The following OR51B5 variants were observed in gnomAD, a reference collection of about 807,000 sequenced individuals.
The protein encoded by OR51B5 is olfactory receptor 51B5.
For missense variants in OR51B5, 456 were observed against 374.6 expected (o/e 1.22, Z -1.79); for synonymous variants, 186 against 144.8 (o/e 1.28, Z -2.04).
chr11:5,481,849 T>C (rs1851426510), intron 1 of OR51B5, among the ~76,000 whole-genome samples: 1 of 140,352 alleles, frequency 7.1e-6, no homozygotes, highest in African/African-American at 2.9e-5. Flanking sequence ...CTCAAGGAAA[T>C]AAAAGAGGAT....
At chr11:5,385,811 A>T (rs183322782) in intron 1 of OR51B5, among the ~76,000 whole-genome samples, 2 of 149,054 alleles carry the variant, frequency 1.3e-5, no homozygotes, top group South Asian at 4.2e-4. Context: ...TAAAAAATCT[A>T]TAAAGTATAT....
At chr11:5,502,980 G>A (rs935461081) in intron 1 of OR51B5, among the ~76,000 whole-genome samples, 3 of 152,150 alleles carry the variant, frequency 2.0e-5, no homozygotes, top group African/African-American at 4.8e-5. Flanking sequence ...AACTGTGAGT[G>A]TCAAAGGGTA....
At chr11:5,473,183 A>G (rs1271980773) in intron 1 of OR51B5, among the ~76,000 whole-genome samples, 2 of 152,228 alleles carry the variant, frequency 1.3e-5, no homozygotes, top group Admixed American at 1.3e-4. Context: ...TTAAACAAGA[A>G]CTATCATAAA....
intron 1 of OR51B5, chr11:5,453,460 T>G: frequency 5.4e-6 from 8 of 1,474,516 alleles, no homozygotes; most frequent in Non-Finnish European, 6.3e-6. Flanking sequence ...AAGATCTGAC[T>G]CTGAAAAGTA....
intron 1 of OR51B5, among the ~76,000 whole-genome samples, chr11:5,396,912 T>C (rs1391880147): frequency 7.2e-5 from 11 of 152,314 alleles, no homozygotes; most frequent in Middle Eastern, 3.4e-3. Flanking sequence ...TATCTACAAC[T>C]ATCTGATCTT....
intron 1 of OR51B5, among the ~76,000 whole-genome samples, chr11:5,397,598 T>C (rs1416141385): frequency 6.6e-6 from 1 of 151,460 alleles, no homozygotes; most frequent in East Asian, 1.9e-4. Flanking sequence ...TTTACACTGT[T>C]GGTGGGACTG....
At chr11:5,361,042 G>C (rs917140986) in intron 1 of OR51B5, among the ~76,000 whole-genome samples, 4 of 151,940 alleles carry the variant, frequency 2.6e-5, no homozygotes, top group Admixed American at 1.3e-4. Flanking sequence ...CTAATGCTAA[G>C]TGACGAGTTA....
chr11:5,393,177 C>T (rs1849822470), intron 1 of OR51B5: 1 of 152,026 alleles, frequency 6.6e-6, no homozygotes, highest in Non-Finnish European at 1.5e-5. Flanking sequence ...GTTCTAAATC[C>T]ATCTCCTAGG....
chr11:5,364,756 TG>T (rs1333264567), intron 1 of OR51B5, among the ~76,000 whole-genome samples: 1 of 152,194 alleles, frequency 6.6e-6, no homozygotes, highest in African/African-American at 2.4e-5. Flanking sequence ...CAAAGTCCCT[TG>T]TTTACAGGGT....
chr11:5,437,673 GAGA>G (rs1319777672), intron 1 of OR51B5, among the ~76,000 whole-genome samples: 12 of 152,346 alleles, frequency 7.9e-5, no homozygotes, highest in Middle Eastern at 3.4e-3. Context: ...AGATTCAAAT[GAGA>G]AGAAGGAAGT....
chr11:5,375,909 G>A (rs1447568307), intron 1 of OR51B5, among the ~76,000 whole-genome samples: 1 of 152,072 alleles, frequency 6.6e-6, no homozygotes, highest in Non-Finnish European at 1.5e-5. Context: ...CAACGAGACA[G>A]AAAGTTAACA....
At chr11:5,376,892 T>C (rs9704478) in intron 1 of OR51B5, among the ~76,000 whole-genome samples, 81,401 of 140,936 alleles carry the variant, frequency 0.58, 24,033 homozygotes, top group South Asian at 0.69. Flanking sequence ...CAAGGAGGAA[T>C]TGGTACCATT....
At chr11:5,433,774 A>G (rs1181634842) in intron 1 of OR51B5, among the ~76,000 whole-genome samples, 4 of 152,080 alleles carry the variant, frequency 2.6e-5, no homozygotes, top group Middle Eastern at 3.2e-3. Flanking sequence ...CCAGGCTGCA[A>G]TGAGCTATGA....
intron 1 of OR51B5, among the ~76,000 whole-genome samples, chr11:5,420,712 T>C (rs1328982314): frequency 3.9e-5 from 6 of 152,176 alleles, no homozygotes; most frequent in African/African-American, 1.4e-4. Flanking sequence ...TTATTTTTTG[T>C]CACTGATTTT....
At chr11:5,405,685 T>C (rs1850048193) in intron 1 of OR51B5, among the ~76,000 whole-genome samples, 1 of 152,230 alleles carries the variant, frequency 6.6e-6, no homozygotes, top group South Asian at 2.1e-4. Flanking sequence ...TTTAAATAGT[T>C]TGCTTGCATT....
chr11:5,457,142 C>T (rs1282160545), intron 1 of OR51B5, among the ~76,000 whole-genome samples: 1 of 152,182 alleles, frequency 6.6e-6, no homozygotes, highest in Non-Finnish European at 1.5e-5. Context: ...CCACAATGCC[C>T]CTTCAAGTAG....
At chr11:5,497,782 C>T (rs1395137605) in intron 1 of OR51B5, among the ~76,000 whole-genome samples, 1 of 152,138 alleles carries the variant, frequency 6.6e-6, no homozygotes, top group Non-Finnish European at 1.5e-5. Context: ...CTCAATACAC[C>T]TTTTGCCAGC....
chr11:5,390,308 T>C, intron 1 of OR51B5: 1 of 1,613,716 alleles, frequency 6.2e-7, no homozygotes, highest in Non-Finnish European at 8.5e-7. Context: ...CCCAATCATA[T>C]ACAGCATTAA....
intron 1 of OR51B5, among the ~76,000 whole-genome samples, chr11:5,395,079 C>T (rs1849847544): frequency 6.6e-6 from 1 of 152,178 alleles, no homozygotes; most frequent in African/African-American, 2.4e-5. Context: ...CCTAGAGGTA[C>T]TCATGGTTCA....
Sources: allele counts gnomAD v4.1 joint callset (sites outside exome capture counted in the v4.1 genomes callset), GRCh38; gene constraint gnomAD v4.1.1; transcripts MANE v1.5; gene names NCBI Gene and HGNC (gene_info 2026-07-23, HGNC 2026-07-21).